ZNF3: variants seen among roughly 807,000 people sequenced by gnomAD.
ZNF3 encodes zinc finger protein 3.
A neutral mutation model predicts 36.9 loss-of-function variants in ZNF3; 16 were observed. The ratio of observed to expected loss-of-function variants is 0.43; its 90% CI spans 0.29 to 0.66. The LOEUF (loss-of-function observed/expected upper bound fraction) is 0.66, where lower values mean the gene tolerates loss of function less well. ZNF3 is among the 30% of genes least tolerant of loss of function. The pLI is 0.13. For synonymous variants in ZNF3, 201 were observed against 201.9 expected, an observed-to-expected ratio of 1.00 and a Z score of 0.04; for missense variants, 462 against 543.1, an observed-to-expected ratio of 0.85 and a Z score of 1.48.
chr7:100,078,768 A>G (rs1794540567), intron 2 of ZNF3: 1 of 152,182 alleles, frequency 6.6e-6, no homozygotes, highest in Non-Finnish European at 1.5e-5. Flanking sequence ...ATTTGCTCAC[A>G]TAGCAAATGT....
chr7:100,077,650 G>T (rs1777129670), intron 2 of ZNF3: 1 of 251,264 alleles, frequency 4.0e-6, no homozygotes, highest in Non-Finnish European at 7.5e-6. Context: ...GGAACTCCTG[G>T]GCTCAAGCTA....
chr7:100,082,069 G>T (rs1314057510), upstream of ZNF3, among the ~76,000 whole-genome samples: 4 of 152,184 alleles, frequency 2.6e-5, no homozygotes, highest in Non-Finnish European at 5.9e-5. Context: ...CGCTTCTCAG[G>T]CTGGCTCGCG....
At chr7:100,065,301 G>C (rs904079322), downstream of ZNF3, among the ~76,000 whole-genome samples, 9 of 151,810 alleles carry the variant, frequency 5.9e-5, no homozygotes, top group Admixed American at 2.6e-4. Flanking sequence ...GCGGGTGCCT[G>C]TAGTCCAAGC....
chr7:100,070,646 T>G lies in ZNF3; in HGVS notation c.*497A>C. 1 of 989,766 alleles carries G rather than the reference T, an allele frequency of 1.0e-6. No individual in the cohort carries two copies. Among genetic ancestry groups the G allele is most frequent in the Non-Finnish European group, 1.2e-6 (1 of 832,392 alleles). The allele number at this position is 989,766 out of a possible 1,614,324, so 61.3% of individuals were successfully genotyped here. Reference sequence around the variant, plus strand: ...TCCCTCAATGCCAAATTTCCATAATTAACGAAATCATGAAACAAAACAGCA... The same window carrying G: ...TCCCTCAATGCCAAATTTCCATAATGAACGAAATCATGAAACAAAACAGCA... On this transcript the variant is annotated 3_prime_UTR_variant, in exon 6 of 6. Coordinates refer to ENST00000299667, the MANE Select transcript of ZNF3 (RefSeq NM_032924.5).
In ZNF3 at chr7:100,071,069, C is replaced by A; in HGVS notation, c.*74G>T. 1 of 1,516,948 alleles carries A rather than the reference C, an allele frequency of 6.6e-7. No individual in the cohort carries two copies. 94.0% of individuals were successfully genotyped at this position (1,516,948 alleles called of 1,614,324 possible). On this transcript the variant is annotated 3_prime_UTR_variant, in exon 6 of 6. Transcript: ENST00000299667. ...TGAGTTGAAAGGGACACATCCTAAG[C>A]TGTTGAGATTTATAGGGTAAGGCAA...
intron 4 of ZNF3, 67 bp from the exon 5 acceptor site, chr7:100,075,328 A>G: frequency 1.2e-6 from 2 of 1,612,436 alleles, no homozygotes; most frequent in Non-Finnish European, 1.7e-6. Context: ...CAAAAAAATC[A>G]CTGAGGATGG....
At chr7:100,067,198 A>G (rs535573126), downstream of ZNF3, among the ~76,000 whole-genome samples, 41 of 152,102 alleles carry the variant, frequency 2.7e-4, no homozygotes, top group Non-Finnish European at 5.0e-4. Flanking sequence ...CCTACTATTA[A>G]CCCTGCTGAG....
Position 100,070,355 on chromosome 7 carries a change from A to G in ZNF3, c.*788T>C. ...CAGGCATTTAGAGAAAATCATTTTC[A>G]TCATTGGAGTGGGAAGAGGACAAGA... On this transcript the variant is annotated 3_prime_UTR_variant, in exon 6 of 6. Transcript: ENST00000299667. 1 of 985,472 alleles carries G rather than the reference A, an allele frequency of 1.0e-6. No homozygotes were observed. The highest frequency in any genetic ancestry group is 1.2e-6 in the Non-Finnish European group (1 of 829,992). The allele number at this position is 985,472 out of a possible 1,614,324, so 61.0% of individuals were successfully genotyped here.
chr7:100,077,235 A>G (rs1794273090), intron 3 of ZNF3, 68 bp downstream of exon 3: 1 of 1,594,646 alleles, frequency 6.3e-7, no homozygotes, highest in African/African-American at 1.3e-5. Context: ...GTACCTGGTA[A>G]GTGAGCGATT....
rs908478175 is a variant in ZNF3, at chr7:100,070,789, C to T, written c.*354G>A. ...TCCTTTCCACTGCTGTCTGTGCTGA[C>T]TACGCGGACTCCAACTAAAGGAATC... On this transcript the variant is annotated 3_prime_UTR_variant, in exon 6 of 6. Coordinates refer to ENST00000299667, the MANE Select transcript of ZNF3 (RefSeq NM_032924.5). 8 of 1,057,912 alleles carry T rather than the reference C, an allele frequency of 7.6e-6. No individual in the cohort carries two copies. The highest frequency in any genetic ancestry group is 1.7e-5 in the African/African-American group (1 of 59,584). The allele number at this position is 1,057,912 out of a possible 1,614,324, so 65.5% of individuals were successfully genotyped here.
chr7:100,067,639 C>T (rs957978085), downstream of ZNF3, among the ~76,000 whole-genome samples: 7 of 151,976 alleles, frequency 4.6e-5, no homozygotes, highest in African/African-American at 7.3e-5. Flanking sequence ...TGAGTTCAAG[C>T]GATTCTCCTG....
At chr7:100,074,836 C>A (rs1224846323) in intron 5 of ZNF3, among the ~76,000 whole-genome samples, 2 of 151,970 alleles carry the variant, frequency 1.3e-5, no homozygotes, top group Non-Finnish European at 2.9e-5. Flanking sequence ...GAGTTTGAGA[C>A]CAGCCTGGCC....
At chr7:100,075,370 G>GGGAGGACA in intron 4 of ZNF3, 109 bp from the exon 5 acceptor site, 1 of 1,586,066 alleles carries the variant, frequency 6.3e-7, no homozygotes, top group Non-Finnish European at 8.6e-7. Context: ...AAGGGAGGAA[G>GGGAGGACA]GGAGGACAGG....
exon 6 of ZNF3, chr7:100,064,094 C>A (rs778613278): frequency 1.6e-5 from 26 of 1,614,056 alleles, no homozygotes; most frequent in African/African-American, 2.7e-5. Context: ...AGAACACACA[C>A]TGGGGAGAAA....
intron 4 of ZNF3, 22 bp from the exon 5 acceptor site, chr7:100,075,283 T>C: frequency 6.2e-7 from 1 of 1,613,956 alleles, no homozygotes; most frequent in Admixed American, 1.7e-5. Context: ...CGTGCTGGCA[T>C]GCAATTTCAG....
exon 6 of ZNF3, chr7:100,064,716 G>A: frequency 1.2e-6 from 2 of 1,611,316 alleles, no homozygotes; most frequent in Non-Finnish European, 1.7e-6. Context: ...CGGTGATAGA[G>A]TTTGTATCAC....
chr7:100,079,493 G>A (rs1432174838), intron 2 of ZNF3, 43 bp downstream of exon 2: 1 of 152,218 alleles, frequency 6.6e-6, no homozygotes, highest in Non-Finnish European at 1.5e-5. Flanking sequence ...TGGGGACCGA[G>A]ATAGATGGCC....
downstream of ZNF3, chr7:100,063,986 A>G (rs1466009151): frequency 6.2e-7 from 1 of 1,614,182 alleles, no homozygotes; most frequent in South Asian, 1.1e-5. Context: ...AAAGGTAGAG[A>G]ATCAGTTCCT....
intron 5 of ZNF3, among the ~76,000 whole-genome samples, chr7:100,072,656 G>A (rs775231501): frequency 3.3e-5 from 5 of 152,138 alleles, no homozygotes; most frequent in African/African-American, 7.2e-5. Flanking sequence ...GCAGCAGCGC[G>A]GGAACAAGCA....
Sources: allele counts gnomAD v4.1 joint callset (sites outside exome capture counted in the v4.1 genomes callset), GRCh38; gene constraint gnomAD v4.1.1; transcripts MANE v1.5; gene names NCBI Gene and HGNC (gene_info 2026-07-23, HGNC 2026-07-21).